Variants in STX18 observed in about 807,000 individuals in gnomAD.
The protein encoded by STX18 is syntaxin 18, also known as syntaxin-18.
STX18 carries 40 observed loss-of-function variants against 50.1 expected under a neutral mutation model. That is an observed-to-expected ratio of 0.80 (90% CI 0.62 to 1.04). STX18 has a LOEUF of 1.04. Ranked by LOEUF, STX18 falls within the 50% of genes least tolerant of loss-of-function variation. The pLI, the probability that STX18 is intolerant of heterozygous loss-of-function variation, is 0.00. For synonymous variants in STX18, 158 were observed against 151.8 expected (o/e 1.04, Z -0.30); for missense variants, 410 against 415.8 (o/e 0.99, Z 0.12).
intron 1 of STX18, among the ~76,000 whole-genome samples, chr4:4,524,097 T>C (rs1730640255): frequency 2.0e-5 from 3 of 152,234 alleles, no homozygotes; most frequent in Non-Finnish European, 2.9e-5. Flanking sequence ...CTCACGTTTG[T>C]ACACCTAATA....
chr4:4,428,330 G>A (rs1225741367), intron 7 of STX18, among the ~76,000 whole-genome samples: 1 of 152,244 alleles, frequency 6.6e-6, no homozygotes, highest in Admixed American at 6.5e-5. Context: ...CCCTGAGGAT[G>A]CAAAGTCACG....
At chr4:4,455,121 G>C (rs952596720) in intron 5 of STX18, among the ~76,000 whole-genome samples, 1 of 152,208 alleles carries the variant, frequency 6.6e-6, no homozygotes, top group African/African-American at 2.4e-5. Flanking sequence ...AGGCTGTCTG[G>C]TTGCAGAGTC....
At chr4:4,433,062 G>T (rs1040798724) in intron 7 of STX18, among the ~76,000 whole-genome samples, 3 of 152,244 alleles carry the variant, frequency 2.0e-5, no homozygotes, top group African/African-American at 7.2e-5. Flanking sequence ...AAAAAGCACA[G>T]GTTGGAGCCA....
chr4:4,465,561 C>T (rs758236735), intron 2 of STX18, among the ~76,000 whole-genome samples: 9 of 152,126 alleles, frequency 5.9e-5, no homozygotes, highest in South Asian at 2.1e-4. Flanking sequence ...ATTATGGGAA[C>T]GCATGGACAT....
chr4:4,480,302 C>T (rs941290304), intron 1 of STX18, among the ~76,000 whole-genome samples: 2 of 152,124 alleles, frequency 1.3e-5, no homozygotes, highest in African/African-American at 4.8e-5. Flanking sequence ...TGTACATTAC[C>T]TTCCCCTTTA....
chr4:4,445,328 C>T lies in STX18; in HGVS notation c.498-6819G>A, dbSNP rs555211911. Among the ~76,000 whole-genome samples, 9 of 152,204 alleles carry T rather than the reference C, an allele frequency of 5.9e-5. No homozygotes were observed. In the East Asian group the frequency reaches 1.5e-3, roughly 26 times the overall value. Reference sequence around the variant, plus strand: ...GGCTGAGGCAGGAGAATTGCTTGAACTCGGGAGGTGGAGGTTGCAGTGAGC... The same window carrying T: ...GGCTGAGGCAGGAGAATTGCTTGAATTCGGGAGGTGGAGGTTGCAGTGAGC... On this transcript the variant is annotated intron_variant, in intron 5 of 10. Transcript: ENST00000306200.
Position 4,489,391 on chromosome 4 carries a change from A to ATTTTTTTTTTTTTTTTTTTTTTTTTTTT in STX18, c.169-17713_169-17686dup, listed in dbSNP as rs34563523. ...AGCACTTCAATACACATGCAAAATA[A>ATTTTTTTTTTTTTTTTTTTTTTTTTTTT]TTTTTTTTTTTTTTTTTTTTTTTTT... On this transcript the variant is annotated intron_variant, in intron 1 of 10. Coordinates refer to ENST00000306200, the MANE Select transcript of STX18 (RefSeq NM_016930.4). Among the ~76,000 whole-genome samples, 4 of 51,600 alleles carry ATTTTTTTTTTTTTTTTTTTTTTTTTTTT rather than the reference A, an allele frequency of 7.8e-5. 1 individual carries two copies. Among genetic ancestry groups the ATTTTTTTTTTTTTTTTTTTTTTTTTTTT allele is most frequent in the Non-Finnish European group, 7.5e-5 (2 of 26,638 alleles). The allele number at this position is 51,600 out of a possible 152,430, so 33.9% of individuals were successfully genotyped here. A position where few individuals can be genotyped will look rare whatever the true frequency, so the allele number is the denominator to read the frequency against.
intron 1 of STX18, among the ~76,000 whole-genome samples, chr4:4,520,957 T>C (rs1015121303): frequency 6.6e-6 from 1 of 152,192 alleles, no homozygotes. Context: ...CATTGTACAA[T>C]TTATCTAGTC....
chr4:4,492,666 T>TTCAC (rs1728993239), intron 1 of STX18, among the ~76,000 whole-genome samples: 1 of 152,150 alleles, frequency 6.6e-6, no homozygotes, highest in South Asian at 2.1e-4. Flanking sequence ...CACTTTCTAT[T>TTCAC]TCACATGCAT....
chr4:4,520,634 G>C (rs535383220), intron 1 of STX18, among the ~76,000 whole-genome samples: 2 of 152,162 alleles, frequency 1.3e-5, no homozygotes, highest in Non-Finnish European at 2.9e-5. Flanking sequence ...CGTTGTACTT[G>C]TTCAGACAGT....
intron 1 of STX18, among the ~76,000 whole-genome samples, chr4:4,501,227 A>T (rs578149468): frequency 3.0e-4 from 46 of 152,276 alleles, no homozygotes; most frequent in African/African-American, 1.1e-3. Flanking sequence ...TTAACATAAC[A>T]GCTTTAAAAA....
At chr4:4,507,558 T>C (rs748560496) in intron 1 of STX18, 5 of 766,272 alleles carry the variant, frequency 6.5e-6, no homozygotes, top group South Asian at 1.4e-5. Context: ...GTCCCAGGAG[T>C]GCACTCTGAC....
intron 1 of STX18, among the ~76,000 whole-genome samples, chr4:4,516,913 T>C (rs945072205): frequency 1.3e-5 from 2 of 152,182 alleles, no homozygotes; most frequent in Non-Finnish European, 1.5e-5. Flanking sequence ...GTCCCTTCAG[T>C]GTAGTACCTA....
rs144910287 is a variant in STX18, at chr4:4,470,496, A to T, written c.236+1143T>A. 8.5e-5 allele frequency among the ~76,000 whole-genome samples: 13 copies of T among 152,344 alleles called. No homozygotes were observed. The East Asian group carries it at 2.5e-3, about 29-fold the overall frequency. On this transcript the variant is annotated intron_variant, in intron 2 of 10. Transcript: ENST00000306200. Reference sequence around the variant, plus strand: ...ACTATGGAAACACGATGGAAACCTGACAAGGTCCTTGACCTCATGACATGT... The same window carrying T: ...ACTATGGAAACACGATGGAAACCTGTCAAGGTCCTTGACCTCATGACATGT...
chr4:4,433,302 T>C (rs1180999520), intron 7 of STX18, among the ~76,000 whole-genome samples: 1 of 152,140 alleles, frequency 6.6e-6, no homozygotes, highest in Non-Finnish European at 1.5e-5. Flanking sequence ...TTACTGATGA[T>C]CCCATTTTAC....
intron 1 of STX18, among the ~76,000 whole-genome samples, chr4:4,480,351 C>T (rs555021421): frequency 6.6e-6 from 1 of 152,290 alleles, no homozygotes; most frequent in East Asian, 1.9e-4. Context: ...CAAGGCCCGC[C>T]AGTGCCCTAC....
intron 1 of STX18, among the ~76,000 whole-genome samples, chr4:4,490,911 A>G (rs1728911397): frequency 6.6e-6 from 1 of 152,140 alleles, no homozygotes; most frequent in South Asian, 2.1e-4. Flanking sequence ...TGACATTTCC[A>G]AACTTATTTA....
chr4:4,426,959 G>C (rs1725270689), intron 7 of STX18, among the ~76,000 whole-genome samples: 1 of 152,118 alleles, frequency 6.6e-6, no homozygotes, highest in African/African-American at 2.4e-5. Flanking sequence ...CAAAACCCCA[G>C]GCATCTTCCT....
At chr4:4,538,341 C>T (rs1309773260) in intron 1 of STX18, among the ~76,000 whole-genome samples, 1 of 152,148 alleles carries the variant, frequency 6.6e-6, no homozygotes, top group African/African-American at 2.4e-5. Context: ...CACACATCTG[C>T]CATCACTGAA....
Sources: allele counts gnomAD v4.1 joint callset (sites outside exome capture counted in the v4.1 genomes callset), GRCh38; gene constraint gnomAD v4.1.1; transcripts MANE v1.5; gene names NCBI Gene and HGNC (gene_info 2026-07-23, HGNC 2026-07-21).